Variants in PCDH9 observed in about 807,000 individuals in gnomAD.
The protein encoded by PCDH9 is protocadherin 9.
Under a neutral mutation model 70.6 loss-of-function variants are expected in PCDH9, and 24 were observed. That is an observed-to-expected ratio of 0.34 (90% CI 0.25 to 0.48). The LOEUF (loss-of-function observed/expected upper bound fraction) is 0.48. Ranked by LOEUF, PCDH9 falls within the 20% of genes least tolerant of loss-of-function variation. PCDH9 has a pLI of 0.99. For synonymous variants in PCDH9, 562 were observed against 558.5 expected (o/e 1.01, Z -0.09); for missense variants, 1,281 against 1,503.6 (o/e 0.85, Z 2.45).
At chr13:67,130,032 G>A (rs2087073796) in intron 2 of PCDH9, among the ~76,000 whole-genome samples, 1 of 152,088 alleles carries the variant, frequency 6.6e-6, no homozygotes. Flanking sequence ...AAGAATAATG[G>A]TTTAATGTTT....
intron 3 of PCDH9, among the ~76,000 whole-genome samples, chr13:66,698,656 A>T (rs555477541): frequency 6.6e-6 from 1 of 151,864 alleles, no homozygotes; most frequent in Non-Finnish European, 1.5e-5. Flanking sequence ...ATAGCTCACT[A>T]CAGCCTGGAC....
At chr13:66,329,600 CT>C (rs1325987547) in intron 4 of PCDH9, among the ~76,000 whole-genome samples, 3 of 152,168 alleles carry the variant, frequency 2.0e-5, no homozygotes, top group African/African-American at 4.8e-5. Flanking sequence ...TCTCTAACAT[CT>C]TTCCCTGTGG....
At chr13:66,742,792 A>G (rs1334729503) in intron 3 of PCDH9, among the ~76,000 whole-genome samples, 1 of 149,364 alleles carries the variant, frequency 6.7e-6, no homozygotes, top group East Asian at 2.0e-4. Context: ...AACCACTATG[A>G]GATATCATCT....
intron 2 of PCDH9, among the ~76,000 whole-genome samples, chr13:67,167,269 C>T (rs1250586456): frequency 6.6e-6 from 1 of 152,080 alleles, no homozygotes; most frequent in Non-Finnish European, 1.5e-5. Flanking sequence ...TTAATAATTG[C>T]GTGCCTCTCA....
At chr13:66,985,098 C>T (rs944753262) in intron 2 of PCDH9, among the ~76,000 whole-genome samples, 15 of 152,212 alleles carry the variant, frequency 9.9e-5, no homozygotes, top group African/African-American at 3.6e-4. Context: ...TAAATTGTAC[C>T]TCACTGGCCT....
At chr13:66,860,841 G>T (rs1358304049) in intron 3 of PCDH9, among the ~76,000 whole-genome samples, 1 of 152,208 alleles carries the variant, frequency 6.6e-6, no homozygotes, top group Non-Finnish European at 1.5e-5. Context: ...ATTTCCAGGG[G>T]AAAGGTCATT....
At chr13:66,400,547 A>G (rs748790117) in intron 4 of PCDH9, among the ~76,000 whole-genome samples, 1 of 152,190 alleles carries the variant, frequency 6.6e-6, no homozygotes, top group Non-Finnish European at 1.5e-5. Context: ...TTGCATTTGC[A>G]GTAATAAATA....
chr13:66,342,392 A>G (rs1956142558), intron 4 of PCDH9, among the ~76,000 whole-genome samples: 1 of 152,242 alleles, frequency 6.6e-6, no homozygotes. Flanking sequence ...GGCAACTATA[A>G]TAATCATCAA....
chr13:66,622,861 C>A (rs1447658100), intron 4 of PCDH9, among the ~76,000 whole-genome samples: 1 of 152,120 alleles, frequency 6.6e-6, no homozygotes, highest in Non-Finnish European at 1.5e-5. Flanking sequence ...GCTGCTCACT[C>A]TTTGTGTCCA....
intron 3 of PCDH9, among the ~76,000 whole-genome samples, chr13:66,657,813 T>C (rs1365588816): frequency 1.3e-5 from 2 of 152,186 alleles, no homozygotes; most frequent in African/African-American, 4.8e-5. Flanking sequence ...ATGATGTGCA[T>C]TATTAGCCTA....
At chr13:67,010,946 C>G (rs748616995) in intron 2 of PCDH9, among the ~76,000 whole-genome samples, 3 of 151,892 alleles carry the variant, frequency 2.0e-5, no homozygotes, top group Non-Finnish European at 1.5e-5. Flanking sequence ...ATTTCACAGA[C>G]ATTGTGATAT....
chr13:66,961,870 G>A (rs1007186487), intron 2 of PCDH9, among the ~76,000 whole-genome samples: 1 of 152,002 alleles, frequency 6.6e-6, no homozygotes, highest in Non-Finnish European at 1.5e-5. Context: ...GACCAACATG[G>A]TGAAACCCCG....
chr13:66,555,915 TATTATATACATAAGATATATAC>T (rs1961718035), intron 4 of PCDH9, among the ~76,000 whole-genome samples: 1 of 148,230 alleles, frequency 6.7e-6, no homozygotes, highest in Non-Finnish European at 1.5e-5. Context: ...GATATATACA[TATTATATACATAAGATATATAC>T]ATATTATATA....
chr13:66,566,210 T>C (rs2076650119), intron 4 of PCDH9, among the ~76,000 whole-genome samples: 1 of 152,134 alleles, frequency 6.6e-6, no homozygotes. Flanking sequence ...CTCTAGAATA[T>C]TGGAAAATAC....
intron 3 of PCDH9, among the ~76,000 whole-genome samples, chr13:66,768,145 G>T (rs2139266841): frequency 6.6e-6 from 1 of 152,076 alleles, no homozygotes; most frequent in African/African-American, 2.4e-5. Context: ...TGTGGTTTTT[G>T]TATATTTATG....
In PCDH9 at chr13:66,504,371, A is replaced by C. The variant is rs560056762; in HGVS notation, c.3340+126839T>G. Among the ~76,000 whole-genome samples the C allele has an allele frequency of 3.9e-5, 6 of 152,196 alleles. No homozygotes were observed. The South Asian group carries it at 1.2e-3, about 32-fold the overall frequency. On this transcript the variant is annotated intron_variant, in intron 4 of 4. Transcript: ENST00000377865. ...AATATTTCTTTCAGTTTCTCCCTTC[A>C]AAGGATGAACTCTATTTCTCTAACC... is the stretch of plus-strand genomic sequence containing the variant.
intron 3 of PCDH9, among the ~76,000 whole-genome samples, chr13:66,782,434 A>G (rs1260953334): frequency 6.6e-6 from 1 of 152,102 alleles, no homozygotes; most frequent in Non-Finnish European, 1.5e-5. Context: ...AGGCGGCCCA[A>G]TGTGGTAGTC....
chr13:66,721,588 C>A (rs2078942323), intron 3 of PCDH9, among the ~76,000 whole-genome samples: 1 of 151,922 alleles, frequency 6.6e-6, no homozygotes, highest in African/African-American at 2.4e-5. Flanking sequence ...TCATCCACAA[C>A]CATATCCTGA....
At chr13:67,125,841 A>ATATGTG (rs1555309842) in intron 2 of PCDH9, among the ~76,000 whole-genome samples, 6 of 150,074 alleles carry the variant, frequency 4.0e-5, no homozygotes, top group Non-Finnish European at 7.4e-5. Flanking sequence ...GTATATATAT[A>ATATGTG]TGTGTGTGTG....
Sources: gnomAD v4.1 joint callset for allele counts (sites outside exome capture counted in the v4.1 genomes callset) on GRCh38, gnomAD v4.1.1 for gene constraint, MANE v1.5 for transcripts, NCBI Gene and HGNC (gene_info 2026-07-23, HGNC 2026-07-21) for gene names.